NRXN3: variants seen among roughly 807,000 people sequenced by gnomAD.
NRXN3 encodes the protein neurexin 3.
Under a neutral mutation model 137.6 loss-of-function variants are expected in NRXN3, and 32 were observed. The ratio of observed to expected loss-of-function variants is 0.23; its 90% CI spans 0.18 to 0.31. NRXN3 has a LOEUF of 0.31. Among genes scored for constraint, NRXN3 ranks in the 10% least tolerant of loss-of-function variants. The pLI is 1.00. For missense variants in NRXN3, 1,574 were observed against 2,062.5 expected, an observed-to-expected ratio of 0.76 and a Z score of 4.59; for synonymous variants, 798 against 784.5, an observed-to-expected ratio of 1.02 and a Z score of -0.29.
rs145470034 is a variant in NRXN3 at position 78,383,622 on chromosome 14, T to C, written c.757+85762T>C. Among the ~76,000 whole-genome samples the C allele has an allele frequency of 3.8e-3, 585 of 152,346 alleles. 7 individuals are homozygous for C. The highest frequency in any genetic ancestry group is 3.5e-3 in the Non-Finnish European group (239 of 68,026). ...ACTGTACAACTCTTAAACAATAATA[T>C]AAAACTGCATAAGATACATGAACTT... On this transcript the variant is annotated intron_variant, in intron 4 of 20. Transcript: ENST00000335750.
intron 1 of NRXN3, among the ~76,000 whole-genome samples, chr14:78,219,329 G>A (rs961905350): frequency 6.6e-6 from 1 of 152,130 alleles, no homozygotes; most frequent in Non-Finnish European, 1.5e-5. Context: ...TTAAAGTGAG[G>A]TCCACTGAGA....
chr14:78,176,876 G>T (rs540755820), intron 1 of NRXN3, among the ~76,000 whole-genome samples: 8 of 152,088 alleles, frequency 5.3e-5, no homozygotes, highest in Admixed American at 5.2e-4. Context: ...GGTGGTAGGT[G>T]TGTCTCTAAG....
chr14:78,224,521 A>G (rs1275427224), intron 1 of NRXN3, among the ~76,000 whole-genome samples: 2 of 151,558 alleles, frequency 1.3e-5, no homozygotes, highest in Non-Finnish European at 2.9e-5. Flanking sequence ...TGAGAACATG[A>G]GGTGTTTGGT....
chr14:78,573,098 T>C (rs1313964228), intron 4 of NRXN3, among the ~76,000 whole-genome samples: 1 of 152,148 alleles, frequency 6.6e-6, no homozygotes, highest in Non-Finnish European at 1.5e-5. Context: ...TGGCACTCAT[T>C]CTCTATCCTA....
chr14:79,453,087 C>A (rs1357314048), intron 15 of NRXN3, among the ~76,000 whole-genome samples: 1 of 152,016 alleles, frequency 6.6e-6, no homozygotes, highest in Non-Finnish European at 1.5e-5. Flanking sequence ...TTAAGAAGAG[C>A]AAACCCATTT....
Position 79,861,407 on chromosome 14 carries a change from A to G in NRXN3, c.4159A>G (p.Lys1387Glu), listed in dbSNP as rs1298824752. 1 of 1,536,278 alleles carries G rather than the reference A, an allele frequency of 6.5e-7. No homozygotes were observed. Among genetic ancestry groups the G allele is most frequent in the East Asian group, 2.4e-5 (1 of 40,910 alleles). The change falls in exon 21 of 21, where the codon AAG becomes GAG. Residue 1387 changes from lysine (K) to glutamate (E), a missense_variant. Lys to Glu is a moderately conservative substitution (Grantham distance 56). Transcript: ENST00000335750. The surrounding 1 kb of genome is among the most constrained non-coding windows in gnomAD (Gnocchi z 5.4). ...YKAHAPKWES[K>E]DFRPNKVSET... ...AGCACATGCGCCCAAGTGGGAATCC[A>G]AGGACTTTAGACCTAACAAAGTCTC...
intron 10 of NRXN3, among the ~76,000 whole-genome samples, chr14:78,847,545 T>C (rs773705496): frequency 2.0e-5 from 3 of 152,052 alleles, no homozygotes; most frequent in Admixed American, 6.6e-5. Context: ...AGTGAGAGCA[T>C]GGAGGGGCCA....
chr14:79,314,430 G>T (rs1206800920), intron 15 of NRXN3, among the ~76,000 whole-genome samples: 2 of 27,254 alleles, frequency 7.3e-5, no homozygotes, highest in Non-Finnish European at 7.7e-5. Context: ...ACGGAATCTC[G>T]CTGATTGCTA....
At chr14:78,994,744 T>A (rs1420409242) in intron 15 of NRXN3, among the ~76,000 whole-genome samples, 1 of 152,206 alleles carries the variant, frequency 6.6e-6, no homozygotes, top group East Asian at 1.9e-4. Context: ...TTCCTGAAAC[T>A]TTGGTGTAAC....
At chr14:79,845,570 G>C (rs1306938129) in intron 20 of NRXN3, among the ~76,000 whole-genome samples, 1 of 134,414 alleles carries the variant, frequency 7.4e-6, no homozygotes, top group Non-Finnish European at 1.6e-5. Context: ...GAGAGAGAGA[G>C]AGACCGACCC....
chr14:79,170,994 G>A (rs377278289), intron 15 of NRXN3, among the ~76,000 whole-genome samples: 12 of 151,926 alleles, frequency 7.9e-5, no homozygotes, highest in East Asian at 5.8e-4. Flanking sequence ...ATGTCTCAGC[G>A]GAGGTGGAAA....
intron 15 of NRXN3, among the ~76,000 whole-genome samples, chr14:79,272,251 T>A (rs1291213304): frequency 6.7e-6 from 1 of 148,942 alleles, no homozygotes; most frequent in Non-Finnish European, 1.5e-5. Flanking sequence ...GTTTATTTAC[T>A]TCCTAAGGCC....
intron 1 of NRXN3, among the ~76,000 whole-genome samples, chr14:78,190,580 G>C (rs2060619527): frequency 6.6e-6 from 1 of 152,048 alleles, no homozygotes; most frequent in Admixed American, 6.5e-5. Flanking sequence ...GTGGGACTGG[G>C]AATTGGAAGA....
chr14:79,632,207 ACT>A (rs2153939333), intron 16 of NRXN3: 1 of 153,784 alleles, frequency 6.5e-6, no homozygotes, highest in South Asian at 2.1e-4. Context: ...GAAGGAAGAA[ACT>A]CTGAACATGT....
At chr14:79,374,620 TG>T (rs1428320777) in intron 15 of NRXN3, among the ~76,000 whole-genome samples, 1 of 152,100 alleles carries the variant, frequency 6.6e-6, no homozygotes, top group African/African-American at 2.4e-5. Context: ...AGCATCCCTT[TG>T]TATTGACCTC....
At chr14:79,358,609 GAAAGAAAGAAAGAAAGAA>G (rs2093544384) in intron 15 of NRXN3, among the ~76,000 whole-genome samples, 1 of 53,356 alleles carries the variant, frequency 1.9e-5, no homozygotes, top group Non-Finnish European at 4.1e-5. Flanking sequence ...GAAAGAAAGA[GAAAGAAAGAAAGAAAGAA>G]AGAAAGAAAG....
At position 79,641,750 on chromosome 14, in the gene NRXN3, G is replaced by A. The variant is rs146556158; in HGVS notation, c.3445-22028G>A. Among the ~76,000 whole-genome samples the A allele has an allele frequency of 4.4e-5, 6 of 135,610 alleles. 1 individual carries two copies. The highest frequency in any genetic ancestry group is 4.6e-4 in the South Asian group (2 of 4,326). 89.0% of individuals were successfully genotyped at this position (135,610 alleles called of 152,430 possible). ...CAAATGCAGCAATTCCTTCCTCAGCGGTAGTAGTCCAGACAGAAACAGTTT... is the reference window on the plus strand; with the variant it reads ...CAAATGCAGCAATTCCTTCCTCAGCAGTAGTAGTCCAGACAGAAACAGTTT... On this transcript the variant is annotated intron_variant, in intron 16 of 20. Coordinates refer to ENST00000335750, the MANE Select transcript of NRXN3 (RefSeq NM_001330195.2).
intron 20 of NRXN3, among the ~76,000 whole-genome samples, chr14:79,856,484 C>A (rs1185195338): frequency 6.6e-6 from 1 of 152,020 alleles, no homozygotes; most frequent in Non-Finnish European, 1.5e-5. Flanking sequence ...AAAAAGAATT[C>A]AAGGAATTCA....
chr14:78,402,795 G>T (rs1049124899), intron 4 of NRXN3, among the ~76,000 whole-genome samples: 15 of 152,048 alleles, frequency 9.9e-5, no homozygotes, highest in African/African-American at 2.4e-4. Context: ...TATCTTATAC[G>T]ATTTGGGGGC....
Sources: gnomAD v4.1 joint callset for allele counts (sites outside exome capture counted in the v4.1 genomes callset) on GRCh38, gnomAD v4.1.1 for gene constraint, Gnocchi (gnomAD v3.1) non-coding constraint, MANE v1.5 for transcripts, NCBI Gene and HGNC (gene_info 2026-07-23, HGNC 2026-07-21) for gene names.